Variants in FOLH1 observed in about 807,000 individuals in gnomAD.
FOLH1 encodes glutamate carboxypeptidase 2.
In FOLH1, 54 loss-of-function variants were observed where a neutral mutation model predicts 93.9. The ratio of observed to expected loss-of-function variants is 0.57; its 90% confidence interval spans 0.46 to 0.72. The LOEUF (loss-of-function observed/expected upper bound fraction) is 0.72, where lower values mean the gene tolerates loss of function less well. Among genes scored for constraint, FOLH1 ranks in the 30% least tolerant of loss-of-function variants. FOLH1 has a pLI of 0.00. For missense variants in FOLH1, 571 were observed against 892.5 expected (o/e 0.64, Z 4.59); for synonymous variants, 249 against 303.6 (o/e 0.82, Z 1.87).
chr11:49,197,993 A>T (rs917548871), intron 3 of FOLH1, among the ~76,000 whole-genome samples: 7 of 152,216 alleles, frequency 4.6e-5, no homozygotes, highest in African/African-American at 1.4e-4. Flanking sequence ...ATATAAATTT[A>T]AAAAATTAAG....
At chr11:49,181,437 G>T (rs1394833762) in intron 7 of FOLH1, among the ~76,000 whole-genome samples, 2 of 151,790 alleles carry the variant, frequency 1.3e-5, no homozygotes, top group East Asian at 3.9e-4. Flanking sequence ...ATAAAACTGA[G>T]ATAATACTAT....
chr11:49,187,395 A>G lies in FOLH1; in HGVS notation c.514-626T>C, dbSNP rs557252158. 2.0e-4 allele frequency among the ~76,000 whole-genome samples: 31 copies of G among 152,276 alleles called. No homozygotes were observed. In the East Asian group the frequency reaches 5.8e-3, roughly 28 times the overall value. On this transcript the variant is annotated intron_variant, in intron 4 of 18. Coordinates refer to ENST00000256999, the MANE Select transcript of FOLH1 (RefSeq NM_004476.3). ...ATTTTGACAATGTCCCCCTTCATCT[A>G]AAATTTAAAATTTTTTATCATACCT... is the stretch of plus-strand genomic sequence containing the variant.
intron 2 of FOLH1, among the ~76,000 whole-genome samples, chr11:49,205,203 T>C (rs1371995357): frequency 6.6e-6 from 1 of 151,066 alleles, no homozygotes; most frequent in African/African-American, 2.4e-5. Context: ...AAACTCCATC[T>C]CAAAAGAAAA....
chr11:49,186,444 A>G lies in FOLH1; in HGVS notation c.639+200T>C, dbSNP rs555082476. On this transcript the variant is annotated intron_variant, in intron 5 of 18. Coordinates refer to ENST00000256999, the MANE Select transcript of FOLH1 (RefSeq NM_004476.3). ...TTTGTTCTGTTCACTCTAAACATCT[A>G]CACTGGCCAAATTCCAATGCTCGAA... 2.0e-5 allele frequency among the ~76,000 whole-genome samples: 3 copies of G among 152,310 alleles called. No individual in the cohort carries two copies. In the East Asian group the frequency reaches 5.8e-4, roughly 29 times the overall value.
rs536458184 is a variant in FOLH1 at position 49,196,011 on chromosome 11, G to A, written c.412-3117C>T. On this transcript the variant is annotated intron_variant, in intron 3 of 18. Transcript: ENST00000256999. Reference sequence around the variant, plus strand: ...TCTACTAAAAATACAAAAATTAGCCGGGTGCGGTGGCTCATGCCTGTAGTC... The same window carrying A: ...TCTACTAAAAATACAAAAATTAGCCAGGTGCGGTGGCTCATGCCTGTAGTC... Among the ~76,000 whole-genome samples, 6 of 152,086 alleles carry A rather than the reference G, an allele frequency of 3.9e-5. No homozygotes were observed. The South Asian group carries it at 6.2e-4, about 16-fold the overall frequency.
chr11:49,192,475 G>A (rs2135254310), intron 4 of FOLH1, among the ~76,000 whole-genome samples: 2 of 152,298 alleles, frequency 1.3e-5, no homozygotes, highest in South Asian at 4.1e-4. Flanking sequence ...GAACCATAAG[G>A]GAACTTTCTG....
chr11:49,185,525 A>C lies in FOLH1; in HGVS notation c.826+144T>G, dbSNP rs140875767. ...AGGGGGTAAGGGGCCTGAACCAATC[A>C]CTTTAGAGTTCAAAATTCTTTCATT... On this transcript the variant is annotated intron_variant, in intron 6 of 18. Transcript: ENST00000256999. The C allele has an allele frequency of 1.9e-3, 2,039 of 1,081,636 alleles. 32 individuals carry two copies. In the African/African-American group the frequency reaches 0.03, roughly 16 times the overall value. 67.0% of individuals were successfully genotyped at this position (1,081,636 alleles called of 1,614,324 possible).
chr11:49,171,113 T>G, intron 11 of FOLH1, 82 bp downstream of exon 11: 4 of 1,420,922 alleles, frequency 2.8e-6, no homozygotes, highest in Non-Finnish European at 3.8e-6. Flanking sequence ...TTATATTCAC[T>G]TCTTATTTTT....
chr11:49,165,155 C>G (rs948417930), intron 12 of FOLH1, among the ~76,000 whole-genome samples: 4 of 152,186 alleles, frequency 2.6e-5, no homozygotes, highest in African/African-American at 9.7e-5. Context: ...TAAAATAGCA[C>G]TCTCTTACCC....
At chr11:49,189,203 G>T (rs1180780728) in intron 4 of FOLH1, among the ~76,000 whole-genome samples, 2 of 152,298 alleles carry the variant, frequency 1.3e-5, no homozygotes, top group Middle Eastern at 3.4e-3. Flanking sequence ...GGTAATTGAT[G>T]ATCTGCAAAC....
Position 49,195,549 on chromosome 11 carries a change from C to CAATT in FOLH1, c.412-2659_412-2656dup, listed in dbSNP as rs1401840745. On this transcript the variant is annotated intron_variant, in intron 3 of 18. Coordinates refer to ENST00000256999, the MANE Select transcript of FOLH1 (RefSeq NM_004476.3). ...GTAAACACAAAGAAGATAAAAGAGG[C>CAATT]AATTATAAAACAAGAACAGAATTAA... 7.3e-5 allele frequency among the ~76,000 whole-genome samples: 11 copies of CAATT among 151,408 alleles called. No individual in the cohort carries two copies. The East Asian group carries it at 2.1e-3, about 29-fold the overall frequency.
intron 15 of FOLH1, among the ~76,000 whole-genome samples, chr11:49,155,275 AT>A (rs1590425920): frequency 6.6e-6 from 1 of 151,998 alleles, no homozygotes; most frequent in East Asian, 1.9e-4. Flanking sequence ...CTTTGTTGTA[AT>A]TTTTTCGTAG....
In FOLH1 at chr11:49,206,090, A is replaced by G. The variant is rs1264303465; in HGVS notation, c.201T>C (p.Ala67=). Residue 67 remains alanine (A), a synonymous_variant, in exon 2 of 19, where the codon GCT becomes GCC. Coordinates refer to ENST00000256999, the MANE Select transcript of FOLH1 (RefSeq NM_004476.3). The part of the protein sequence containing the change: ...NMKAFLDELK[A]ENIKKFLYNF... ...ACTATAAGAACTTCTTGATGTTCTC[A>G]GCTTTCAATTCATCCAAAAATGCTT... 4.3e-6 allele frequency: 7 copies of G among 1,612,040 alleles called. No individual in the cohort carries two copies. In the African/African-American group the frequency reaches 9.3e-5, roughly 22 times the overall value.
Position 49,200,523 on chromosome 11 carries a change from C to T in FOLH1, c.225-82G>A. The T allele has an allele frequency of 4.1e-6, 6 of 1,454,426 alleles. No homozygotes were observed. The South Asian group carries it at 7.5e-5, about 18-fold the overall frequency. The allele number at this position is 1,454,426 out of a possible 1,614,324, so 90.1% of individuals were successfully genotyped here. On this transcript the variant is annotated intron_variant, in intron 2 of 18. Coordinates refer to ENST00000256999, the MANE Select transcript of FOLH1 (RefSeq NM_004476.3). ...AAATCAACAAAGTAAAGCAGAGTTACACAAAAGTACTTTGAAGTGTGATAC... is the reference window on the plus strand; with the variant it reads ...AAATCAACAAAGTAAAGCAGAGTTATACAAAAGTACTTTGAAGTGTGATAC...
At position 49,208,417 on chromosome 11, in the gene FOLH1, C is replaced by A; in HGVS notation, c.-8G>T. 1 of 1,581,624 alleles carries A rather than the reference C, an allele frequency of 6.3e-7. No individual in the cohort carries two copies. The highest frequency in any genetic ancestry group is 8.6e-7 in the Non-Finnish European group (1 of 1,160,322). On this transcript the variant is annotated 5_prime_UTR_variant, in exon 1 of 19. Coordinates refer to ENST00000256999, the MANE Select transcript of FOLH1 (RefSeq NM_004476.3). ...GTGAAGGAGATTCCACATCTCGGCG[C>A]GAGCAGAGCCGGCCTCCCGGGACCC...
chr11:49,162,582 T>C (rs1368391042), intron 13 of FOLH1, among the ~76,000 whole-genome samples: 1 of 152,208 alleles, frequency 6.6e-6, no homozygotes, highest in Non-Finnish European at 1.5e-5. Context: ...TTATGAATTC[T>C]ACTTCTGTCA....
At chr11:49,165,560 C>T (rs1858282587) in intron 12 of FOLH1, among the ~76,000 whole-genome samples, 1 of 152,114 alleles carries the variant, frequency 6.6e-6, no homozygotes, top group Admixed American at 6.6e-5. Flanking sequence ...GAAGTCAAGA[C>T]AAATTCACAA....
chr11:49,152,047 C>T lies in FOLH1; in HGVS notation c.1970+1799G>A, dbSNP rs555704232. On this transcript the variant is annotated intron_variant, in intron 17 of 18. Coordinates refer to ENST00000256999, the MANE Select transcript of FOLH1 (RefSeq NM_004476.3). Reference sequence around the variant, plus strand: ...ATAAAAATTAATCAAATTATATTTACAATTTTACAACCTTTTTGCTTACTT... The same window carrying T: ...ATAAAAATTAATCAAATTATATTTATAATTTTACAACCTTTTTGCTTACTT... 3.3e-5 allele frequency among the ~76,000 whole-genome samples: 5 copies of T among 152,160 alleles called. No homozygotes were observed. The East Asian group carries it at 5.8e-4, about 18-fold the overall frequency.
intron 10 of FOLH1, among the ~76,000 whole-genome samples, chr11:49,171,630 G>A (rs1590535242): frequency 1.3e-5 from 2 of 152,236 alleles, no homozygotes; most frequent in South Asian, 4.2e-4. Flanking sequence ...TCTGAAAGCA[G>A]ATATAACTGA....
Sources: gnomAD v4.1 joint callset for allele counts (sites outside exome capture counted in the v4.1 genomes callset) on GRCh38, gnomAD v4.1.1 for gene constraint, MANE v1.5 for transcripts, NCBI Gene and HGNC (gene_info 2026-07-23, HGNC 2026-07-21) for gene names.